The following DGUOK variants were observed in gnomAD, a reference collection of about 807,000 sequenced individuals.
DGUOK encodes the protein deoxyguanosine kinase, mitochondrial.
A neutral mutation model predicts 36.6 loss-of-function variants in DGUOK; 30 were observed. The ratio of observed to expected loss-of-function variants is 0.82; its 90% CI spans 0.61 to 1.11. The LOEUF (loss-of-function observed/expected upper bound fraction) is 1.11, where lower values mean the gene tolerates loss of function less well. Among genes scored for constraint, DGUOK ranks in the 50% most tolerant of loss-of-function variants. DGUOK has a pLI of 0.00. For synonymous variants in DGUOK, 145 were observed against 126.3 expected, an observed-to-expected ratio of 1.15 and a Z score of -0.99; for missense variants, 361 against 336.4, an observed-to-expected ratio of 1.07 and a Z score of -0.57.
intron 1 of DGUOK, among the ~76,000 whole-genome samples, chr2:73,937,868 C>T (rs111869823): frequency 0.011 from 1,724 of 152,280 alleles, 18 homozygotes; most frequent in Non-Finnish European, 0.019. Context: ...GCCATCACCT[C>T]GGGGCAAGCT....
intron 4 of DGUOK, among the ~76,000 whole-genome samples, chr2:73,952,558 C>T (rs770342444): frequency 3.3e-5 from 5 of 152,134 alleles, no homozygotes; most frequent in Non-Finnish European, 7.3e-5. Flanking sequence ...TGACAGGTTT[C>T]CTATGGGAGT....
At chr2:73,928,945 G>A (rs1364406625) in intron 1 of DGUOK, among the ~76,000 whole-genome samples, 1 of 152,126 alleles carries the variant, frequency 6.6e-6, no homozygotes, top group Non-Finnish European at 1.5e-5. Context: ...GAAATGATTG[G>A]GTTCTAGTTA....
At chr2:73,927,163 T>C in intron 1 of DGUOK, 111 bp downstream of exon 1, 3 of 1,465,476 alleles carry the variant, frequency 2.0e-6, no homozygotes, top group Middle Eastern at 2.4e-4. Context: ...CGGCCTCTTT[T>C]TCTGGGCTGC....
chr2:73,927,139 G>A (rs1302733110), intron 1 of DGUOK, 87 bp downstream of exon 1: 2 of 1,555,784 alleles, frequency 1.3e-6, no homozygotes, highest in Non-Finnish European at 1.7e-6. Context: ...GGAATGGCCT[G>A]CGTCTGATGC....
chr2:73,958,668 TA>T, intron 6 of DGUOK, 41 bp from the exon 7 acceptor site: 1 of 1,582,544 alleles, frequency 6.3e-7, no homozygotes, highest in Non-Finnish European at 8.7e-7. Flanking sequence ...AAAATTCTGT[TA>T]AAAATGTGAA....
At chr2:73,951,279 G>A (rs190631192) in intron 4 of DGUOK, among the ~76,000 whole-genome samples, 42 of 152,232 alleles carry the variant, frequency 2.8e-4, no homozygotes, top group African/African-American at 9.4e-4. Flanking sequence ...TGATGTCACG[G>A]CAGGAGCACC....
intron 2 of DGUOK, among the ~76,000 whole-genome samples, chr2:73,941,840 G>T (rs944136623): frequency 6.7e-6 from 1 of 150,212 alleles, no homozygotes; most frequent in Admixed American, 6.6e-5. Context: ...TCATCTTTGT[G>T]TAATGGCTTC....
At chr2:73,931,944 T>G (rs1681071618) in intron 1 of DGUOK, among the ~76,000 whole-genome samples, 1 of 149,374 alleles carries the variant, frequency 6.7e-6, no homozygotes, top group African/African-American at 2.5e-5. Flanking sequence ...GGAGGAGGAG[T>G]AGAGGAGGGT....
intron 3 of DGUOK, among the ~76,000 whole-genome samples, chr2:73,949,524 G>C (rs757316610): frequency 6.6e-6 from 1 of 152,176 alleles, no homozygotes; most frequent in Non-Finnish European, 1.5e-5. Context: ...ATCATAACAG[G>C]CTGAGAGGAT....
intron 3 of DGUOK, among the ~76,000 whole-genome samples, chr2:73,950,172 T>C (rs976173910): frequency 1.1e-4 from 11 of 103,308 alleles, no homozygotes; most frequent in African/African-American, 3.0e-4. Context: ...TATACTGGAT[T>C]CACTTGTTTA....
Position 73,946,864 on chromosome 2 carries a change from G to A in DGUOK, c.401G>A (p.Arg134Lys), listed in dbSNP as rs1406974089. The change falls in exon 3 of 7, where the codon AGG becomes AAG. Residue 134 changes from arginine to lysine, a missense_variant. Physicochemically the swap from Arg to Lys is conservative, Grantham distance 26 (BLOSUM62 2). Coordinates refer to ENST00000264093, the MANE Select transcript of DGUOK (RefSeq NM_080916.3). Reference protein sequence around the residue: ...EPFPEKLLQARKPVQIFERSV... With the variant: ...EPFPEKLLQAKKPVQIFERSV... Reference sequence around the variant, plus strand: ...TTCCCTGAGAAACTCTTACAGGCCAGGAAGCCAGTACAGATCTTTGAGAGG... The same window carrying A: ...TTCCCTGAGAAACTCTTACAGGCCAAGAAGCCAGTACAGATCTTTGAGAGG... The A allele has an allele frequency of 3.1e-6, 5 of 1,613,720 alleles. No individual in the cohort carries two copies. Among genetic ancestry groups the A allele is most frequent in the Non-Finnish European group, 3.4e-6 (4 of 1,179,986 alleles).
chr2:73,932,582 T>C (rs1192606686), intron 1 of DGUOK: 1 of 1,279,670 alleles, frequency 7.8e-7, no homozygotes, highest in Non-Finnish European at 1.0e-6. Context: ...AGAGTGATCA[T>C]CTTCTCTAAT....
intron 1 of DGUOK, among the ~76,000 whole-genome samples, chr2:73,932,389 C>A (rs1681116222): frequency 6.6e-6 from 1 of 152,166 alleles, no homozygotes; most frequent in African/African-American, 2.4e-5. Context: ...TGCACATTCA[C>A]CACCTTCCTT....
At chr2:73,953,388 G>C (rs144595907) in intron 4 of DGUOK, among the ~76,000 whole-genome samples, 15 of 151,800 alleles carry the variant, frequency 9.9e-5, no homozygotes, top group African/African-American at 3.6e-4. Flanking sequence ...GAGAAGAGTT[G>C]AAGGATTATT....
intron 5 of DGUOK, chr2:73,957,871 G>A: frequency 2.6e-6 from 1 of 387,644 alleles, no homozygotes; most frequent in Non-Finnish European, 4.9e-6. Context: ...GTTTCTGCCT[G>A]TCCTCCCTTT....
At chr2:73,948,299 T>G (rs1378607920) in intron 3 of DGUOK, among the ~76,000 whole-genome samples, 2 of 152,080 alleles carry the variant, frequency 1.3e-5, no homozygotes, top group Non-Finnish European at 2.9e-5. Context: ...CAGAGGAAAA[T>G]AGAGAAGTAG....
chr2:73,931,872 G>A (rs539590041), intron 1 of DGUOK, among the ~76,000 whole-genome samples: 2 of 152,224 alleles, frequency 1.3e-5, no homozygotes, highest in South Asian at 2.1e-4. Flanking sequence ...GAGAAGTGAC[G>A]GTTTCAGAGA....
intron 4 of DGUOK, among the ~76,000 whole-genome samples, chr2:73,954,091 C>A (rs1212394874): frequency 3.3e-5 from 5 of 152,102 alleles, no homozygotes; most frequent in Non-Finnish European, 7.4e-5. Context: ...CCTGCAATGC[C>A]AGCACTTTGG....
At chr2:73,933,226 T>C (rs955101362) in intron 1 of DGUOK, among the ~76,000 whole-genome samples, 4 of 152,264 alleles carry the variant, frequency 2.6e-5, no homozygotes, top group Admixed American at 1.3e-4. Flanking sequence ...TGGGAAAAAA[T>C]AGCCTATTTA....
Sources: gnomAD v4.1 joint callset for allele counts (sites outside exome capture counted in the v4.1 genomes callset) on GRCh38, gnomAD v4.1.1 for gene constraint, MANE v1.5 for transcripts, NCBI Gene and HGNC (gene_info 2026-07-23, HGNC 2026-07-21) for gene names.